Variants in EPHA5 observed in about 807,000 individuals in gnomAD.
EPHA5 encodes the protein ephrin type-A receptor 5.
Under a neutral mutation model 105.0 loss-of-function variants are expected in EPHA5, and 60 were observed. The observed-to-expected ratio is 0.57, with a 90% CI of 0.46 to 0.71. The LOEUF is 0.71. Among genes scored for constraint, EPHA5 ranks in the 30% least tolerant of loss-of-function variants. The pLI is 0.00. For missense variants in EPHA5, 1,218 were observed against 1,274.7 expected, an observed-to-expected ratio of 0.96 and a Z score of 0.68; for synonymous variants, 513 against 449.1, an observed-to-expected ratio of 1.14 and a Z score of -1.80.
At chr4:65,472,381 T>C (rs1052092906) in intron 5 of EPHA5, among the ~76,000 whole-genome samples, 1 of 152,162 alleles carries the variant, frequency 6.6e-6, no homozygotes, top group Non-Finnish European at 1.5e-5. Flanking sequence ...GGCCCTCTTC[T>C]CATAGATCCA....
chr4:65,480,370 T>C (rs1019149238), intron 5 of EPHA5, among the ~76,000 whole-genome samples: 2 of 152,270 alleles, frequency 1.3e-5, no homozygotes, highest in East Asian at 3.9e-4. Flanking sequence ...AACAAAAATA[T>C]CAGAATTCAA....
At chr4:65,471,710 A>G (rs1183088391) in intron 5 of EPHA5, among the ~76,000 whole-genome samples, 2 of 152,084 alleles carry the variant, frequency 1.3e-5, no homozygotes, top group African/African-American at 4.8e-5. Context: ...AACATATCTC[A>G]TGATAGATTT....
intron 15 of EPHA5, among the ~76,000 whole-genome samples, chr4:65,334,203 T>A (rs1280517866): frequency 6.6e-6 from 1 of 151,940 alleles, no homozygotes; most frequent in Non-Finnish European, 1.5e-5. Flanking sequence ...AATACTTAGG[T>A]CTATTTGCTT....
At position 65,351,542 on chromosome 4, in the gene EPHA5, A is replaced by C; in HGVS notation, c.2292T>G (p.Ser764=). 6.2e-7 allele frequency: 1 copy of C among 1,613,732 alleles called. No individual in the cohort carries two copies. Among genetic ancestry groups the C allele is most frequent in the Non-Finnish European group, 8.5e-7 (1 of 1,179,758 alleles). Residue 764 remains serine, a synonymous_variant, in exon 13 of 17, where the codon TCT becomes TCG. Transcript: ENST00000613740. ...TGTCAGAAAGGTACTTCATTCCTGC[A>C]GAGATACCTCTCAGCATGCCAACAA... ...IQLVGMLRGI[S]AGMKYLSDMG...
chr4:65,495,586 T>C (rs529706245), intron 3 of EPHA5, 43 bp from the exon 4 acceptor site: 1 of 1,535,366 alleles, frequency 6.5e-7, no homozygotes, highest in Non-Finnish European at 8.9e-7. Context: ...CTGGAACAGA[T>C]GCAGTGTTTG....
At chr4:65,440,269 C>T (rs191969305) in intron 5 of EPHA5, among the ~76,000 whole-genome samples, 12 of 151,882 alleles carry the variant, frequency 7.9e-5, no homozygotes, top group South Asian at 2.1e-4. Context: ...AAGGTATTCT[C>T]GGCTTTTATG....
At chr4:65,334,826 G>A (rs1269811272) in intron 15 of EPHA5, among the ~76,000 whole-genome samples, 1 of 151,596 alleles carries the variant, frequency 6.6e-6, no homozygotes, top group East Asian at 1.9e-4. Flanking sequence ...TACTCCTTTT[G>A]TACGTCCATT....
intron 11 of EPHA5, among the ~76,000 whole-genome samples, chr4:65,355,993 G>C (rs554074050): frequency 1.3e-5 from 2 of 151,486 alleles, no homozygotes; most frequent in South Asian, 2.1e-4. Flanking sequence ...GAAATCTATT[G>C]AGAGGGTTGT....
In EPHA5 at chr4:65,507,065, A is replaced by G. The variant is rs1220077427; in HGVS notation, c.911-11522T>C. Among the ~76,000 whole-genome samples the G allele has an allele frequency of 3.3e-5, 5 of 152,202 alleles. No individual in the cohort carries two copies. The South Asian group carries it at 1.0e-3, about 31-fold the overall frequency. On this transcript the variant is annotated intron_variant, in intron 3 of 16. Coordinates refer to ENST00000613740, the MANE Select transcript of EPHA5 (RefSeq NM_001281766.3). Reference sequence around the variant, plus strand: ...TTTATAAGGTGTAAGGAAGGGATCCAGTTTCAGCTTTCTGCATATGGCTAG... The same window carrying G: ...TTTATAAGGTGTAAGGAAGGGATCCGGTTTCAGCTTTCTGCATATGGCTAG...
intron 1 of EPHA5, among the ~76,000 whole-genome samples, chr4:65,652,902 T>C (rs1026446794): frequency 6.6e-6 from 1 of 152,064 alleles, no homozygotes; most frequent in African/African-American, 2.4e-5. Context: ...TCTTTTCTTA[T>C]TTTTTTATTT....
intron 3 of EPHA5, among the ~76,000 whole-genome samples, chr4:65,526,763 A>G (rs1735273080): frequency 6.6e-6 from 1 of 152,016 alleles, no homozygotes. Context: ...TAACAACTGC[A>G]TGGAATGGCT....
chr4:65,378,595 C>T (rs1003156945), intron 8 of EPHA5, among the ~76,000 whole-genome samples: 1 of 151,910 alleles, frequency 6.6e-6, no homozygotes, highest in African/African-American at 2.4e-5. Context: ...TTTATTGGAA[C>T]ACTCACTGCT....
intron 5 of EPHA5, among the ~76,000 whole-genome samples, chr4:65,486,920 A>C (rs1294185331): frequency 6.6e-6 from 1 of 152,192 alleles, no homozygotes; most frequent in Non-Finnish European, 1.5e-5. Flanking sequence ...TCTTGAGAAC[A>C]GCATATCCTT....
intron 3 of EPHA5, among the ~76,000 whole-genome samples, chr4:65,538,523 A>T (rs1022797324): frequency 2.6e-5 from 4 of 151,794 alleles, no homozygotes; most frequent in African/African-American, 9.7e-5. Flanking sequence ...GTCACCCCGT[A>T]TGGGAAAGCT....
chr4:65,583,569 C>T (rs1204406824), intron 3 of EPHA5, among the ~76,000 whole-genome samples: 1 of 151,604 alleles, frequency 6.6e-6, no homozygotes. Context: ...TTGATAAAGA[C>T]CCCACAGAAT....
intron 5 of EPHA5, among the ~76,000 whole-genome samples, chr4:65,480,918 T>A (rs1374299258): frequency 6.6e-6 from 1 of 151,924 alleles, no homozygotes; most frequent in East Asian, 1.9e-4. Flanking sequence ...TGTAGGCAAG[T>A]CTATTAAGGA....
chr4:65,589,037 G>C (rs563712823), intron 3 of EPHA5, among the ~76,000 whole-genome samples: 1 of 152,218 alleles, frequency 6.6e-6, no homozygotes, highest in South Asian at 2.1e-4. Flanking sequence ...AGCTTTATGA[G>C]CCTCCAATAT....
chr4:65,600,989 G>C (rs768530469), intron 3 of EPHA5, among the ~76,000 whole-genome samples: 3 of 152,048 alleles, frequency 2.0e-5, no homozygotes, highest in Non-Finnish European at 4.4e-5. Context: ...AGGGCAAATT[G>C]CTTTAAAATG....
At chr4:65,589,504 T>A (rs1260434473) in intron 3 of EPHA5, among the ~76,000 whole-genome samples, 2 of 152,142 alleles carry the variant, frequency 1.3e-5, no homozygotes, top group African/African-American at 2.4e-5. Flanking sequence ...GAGTCTTCAC[T>A]GTTGTGACAT....
Sources: gnomAD v4.1 joint callset for allele counts (sites outside exome capture counted in the v4.1 genomes callset) on GRCh38, gnomAD v4.1.1 for gene constraint, MANE v1.5 for transcripts, NCBI Gene and HGNC (gene_info 2026-07-23, HGNC 2026-07-21) for gene names.